SOX5: variants seen among roughly 807,000 people sequenced by gnomAD.
SOX5 encodes transcription factor SOX-5.
Under a neutral mutation model 92.0 loss-of-function variants are expected in SOX5, and 9 were observed. The observed-to-expected ratio is 0.10, with a 90% confidence interval of 0.06 to 0.17. The LOEUF (loss-of-function observed/expected upper bound fraction) is 0.17, where lower values mean the gene tolerates loss of function less well. Among genes scored for constraint, SOX5 ranks in the 10% least tolerant of loss-of-function variants. SOX5 has a pLI of 1.00. For synonymous variants in SOX5, 344 were observed against 336.3 expected (o/e 1.02, Z -0.25); for missense variants, 642 against 944.5 (o/e 0.68, Z 4.20).
intron 6 of SOX5, among the ~76,000 whole-genome samples, chr12:23,714,801 T>C (rs2092359391): frequency 6.6e-6 from 1 of 152,196 alleles, no homozygotes; most frequent in South Asian, 2.1e-4. Context: ...AATGAATAAA[T>C]CAATGCAAGA....
chr12:23,907,422 C>A (rs2097305704), intron 1 of SOX5, among the ~76,000 whole-genome samples: 1 of 151,832 alleles, frequency 6.6e-6, no homozygotes. Flanking sequence ...ATATATAATT[C>A]AAAACTATTT....
At chr12:24,542,629 G>A (rs551413774) in intron 1 of SOX5, among the ~76,000 whole-genome samples, 2 of 152,208 alleles carry the variant, frequency 1.3e-5, no homozygotes, top group South Asian at 4.1e-4. Flanking sequence ...TTCATCCCAA[G>A]TCTGCTTATG....
chr12:24,434,703 C>T (rs921985452), intron 1 of SOX5, among the ~76,000 whole-genome samples: 2 of 152,104 alleles, frequency 1.3e-5, no homozygotes, highest in Non-Finnish European at 1.5e-5. Context: ...ATGGCACCTC[C>T]TCACTCTCTC....
At chr12:24,099,507 G>A (rs1355473045) in intron 4 of SOX5, among the ~76,000 whole-genome samples, 1 of 152,154 alleles carries the variant, frequency 6.6e-6, no homozygotes, top group African/African-American at 2.4e-5. Flanking sequence ...ATCACTGGAT[G>A]CAGAGTGCCC....
intron 1 of SOX5, among the ~76,000 whole-genome samples, chr12:23,923,102 C>T (rs1378131552): frequency 6.6e-6 from 1 of 152,004 alleles, no homozygotes; most frequent in South Asian, 2.1e-4. Flanking sequence ...CCCGCCACAA[C>T]GCCCGGCTAA....
chr12:24,411,034 C>T (rs1963976532), intron 1 of SOX5, among the ~76,000 whole-genome samples: 1 of 152,106 alleles, frequency 6.6e-6, no homozygotes, highest in East Asian at 1.9e-4. Context: ...AGATTTATAC[C>T]TAGGTATTTC....
chr12:24,458,828 C>T (rs1242643932), intron 1 of SOX5, among the ~76,000 whole-genome samples: 1 of 152,030 alleles, frequency 6.6e-6, no homozygotes, highest in Non-Finnish European at 1.5e-5. Context: ...CTAAATGGAG[C>T]CATGTTTATG....
intron 1 of SOX5, among the ~76,000 whole-genome samples, chr12:24,394,466 C>G (rs1959345931): frequency 6.6e-6 from 1 of 152,148 alleles, no homozygotes; most frequent in Non-Finnish European, 1.5e-5. Flanking sequence ...ACCATCCAGA[C>G]CAAGCTGAAG....
rs561934374 is a variant in SOX5, at chr12:24,318,204, G to A, written c.-173-40892C>T. Among the ~76,000 whole-genome samples the A allele has an allele frequency of 3.5e-4, 53 of 152,240 alleles. 1 individual carries two copies. The South Asian group carries it at 0.011, about 30-fold the overall frequency. ...AGCCTGGGCGACAGAGCAAGACTCT[G>A]TCTCAAAAATAATAATAAAATAAAA... On this transcript the variant is annotated intron_variant, in intron 2 of 4. Transcript: ENST00000446891.
chr12:24,417,170 A>G (rs1195891510), intron 1 of SOX5, among the ~76,000 whole-genome samples: 1 of 152,214 alleles, frequency 6.6e-6, no homozygotes, highest in East Asian at 1.9e-4. Flanking sequence ...CCAGGTAAGA[A>G]CGCAAAGCTA....
At chr12:24,519,030 T>A (rs188308016) in intron 1 of SOX5, among the ~76,000 whole-genome samples, 4 of 152,190 alleles carry the variant, frequency 2.6e-5, no homozygotes, top group Non-Finnish European at 4.4e-5. Context: ...TATTCTTTTT[T>A]AAAAAAAATC....
chr12:23,851,018 G>T (rs1200666816), intron 2 of SOX5, among the ~76,000 whole-genome samples: 1 of 150,980 alleles, frequency 6.6e-6, no homozygotes, highest in African/African-American at 2.4e-5. Flanking sequence ...TACCTTCATA[G>T]AAAAATAATA....
chr12:24,149,124 A>C (rs1179732990), intron 4 of SOX5, among the ~76,000 whole-genome samples: 1 of 152,158 alleles, frequency 6.6e-6, no homozygotes, highest in Non-Finnish European at 1.5e-5. Flanking sequence ...AAAACTAAAA[A>C]AGTTCTAGAA....
chr12:23,780,663 T>C (rs1287355972), intron 3 of SOX5, among the ~76,000 whole-genome samples: 1 of 152,108 alleles, frequency 6.6e-6, no homozygotes, highest in African/African-American at 2.4e-5. Flanking sequence ...AAAAGTTTTG[T>C]GTGGCAATCC....
chr12:24,003,134 A>G (rs187237653), intron 4 of SOX5, among the ~76,000 whole-genome samples: 5 of 152,246 alleles, frequency 3.3e-5, no homozygotes, highest in Admixed American at 3.3e-4. Flanking sequence ...TTCTCAACTA[A>G]CAAGGATCAG....
intron 2 of SOX5, among the ~76,000 whole-genome samples, chr12:23,891,107 T>C (rs1209621330): frequency 1.3e-5 from 2 of 152,240 alleles, no homozygotes; most frequent in Non-Finnish European, 2.9e-5. Flanking sequence ...TATATGTATA[T>C]GTATATAGTG....
chr12:24,171,547 T>C (rs1171832083), intron 4 of SOX5, among the ~76,000 whole-genome samples: 3 of 151,968 alleles, frequency 2.0e-5, no homozygotes, highest in East Asian at 3.9e-4. Context: ...TTTTAAAGTG[T>C]TGACTATGAT....
chr12:23,880,762 A>G (rs920156854), intron 2 of SOX5, among the ~76,000 whole-genome samples: 3 of 152,178 alleles, frequency 2.0e-5, no homozygotes, highest in Admixed American at 6.5e-5. Flanking sequence ...GCTTTCCCCT[A>G]TAGAGATCAT....
At chr12:23,862,229 T>C (rs1356963116) in intron 2 of SOX5, among the ~76,000 whole-genome samples, 2 of 152,188 alleles carry the variant, frequency 1.3e-5, no homozygotes, top group Admixed American at 6.5e-5. Context: ...CATGTTTATT[T>C]TTATTGTTTC....
Sources: allele counts gnomAD v4.1 joint callset (sites outside exome capture counted in the v4.1 genomes callset), GRCh38; gene constraint gnomAD v4.1.1; transcripts MANE v1.5; gene names NCBI Gene and HGNC (gene_info 2026-07-23, HGNC 2026-07-21).